MAF: variants seen among roughly 807,000 people sequenced by gnomAD.
MAF encodes MAF bZIP transcription factor.
A neutral mutation model predicts 22.0 loss-of-function variants in MAF; 10 were observed. The ratio of observed to expected loss-of-function variants is 0.45; its 90% CI spans 0.28 to 0.77. The LOEUF is 0.77. MAF is among the 30% of genes least tolerant of loss of function. The pLI is 0.12. For synonymous variants in MAF, 337 were observed against 255.8 expected, an observed-to-expected ratio of 1.32 and a Z score of -3.03; for missense variants, 544 against 548.4, an observed-to-expected ratio of 0.99 and a Z score of 0.08.
the MAF span, among the ~76,000 whole-genome samples, chr16:79,248,793 A>T: frequency 1.0e-5 from 1 of 99,100 alleles, no homozygotes; most frequent in African/African-American, 3.2e-5. Context: ...TGTGTCCAAA[A>T]TTTACAAAAA....
chr16:79,341,584 T>C, the MAF span, among the ~76,000 whole-genome samples: 2 of 152,242 alleles, frequency 1.3e-5, no homozygotes, highest in Non-Finnish European at 2.9e-5. Context: ...AGTGACTATA[T>C]AGTTCAGCAT....
chr16:79,583,349 G>A (rs183253470), downstream of MAF, among the ~76,000 whole-genome samples: 2 of 152,276 alleles, frequency 1.3e-5, no homozygotes, highest in East Asian at 3.9e-4. Context: ...CACTCCATCT[G>A]CCGATTGTAA....
the MAF span, among the ~76,000 whole-genome samples, chr16:79,360,574 A>G: frequency 2.0e-5 from 3 of 152,166 alleles, no homozygotes; most frequent in African/African-American, 7.2e-5. Context: ...CTTAGGGTAA[A>G]TAATCTCATT....
chr16:79,354,055 G>T, the MAF span, among the ~76,000 whole-genome samples: 1 of 152,038 alleles, frequency 6.6e-6, no homozygotes, highest in Non-Finnish European at 1.5e-5. Context: ...GAGTGCAGTG[G>T]TGCCATCACG....
At chr16:79,576,052 C>G in the MAF span, among the ~76,000 whole-genome samples, 1 of 151,802 alleles carries the variant, frequency 6.6e-6, no homozygotes, top group Non-Finnish European at 1.5e-5. Context: ...GACCTTTACC[C>G]CACTGTAAAA....
chr16:79,568,913 T>G, the MAF span, among the ~76,000 whole-genome samples: 4 of 152,186 alleles, frequency 2.6e-5, no homozygotes, highest in African/African-American at 9.6e-5. Context: ...GAACACTGAG[T>G]CTGTTACTGT....
At chr16:79,232,054 T>G in the MAF span, among the ~76,000 whole-genome samples, 76 of 151,888 alleles carry the variant, frequency 5.0e-4, no homozygotes, top group Non-Finnish European at 9.3e-4. Flanking sequence ...GGACAGGAGG[T>G]GGAGCTCAAG....
the MAF span, among the ~76,000 whole-genome samples, chr16:79,533,526 G>A: frequency 6.6e-6 from 1 of 152,146 alleles, no homozygotes; most frequent in Non-Finnish European, 1.5e-5. Flanking sequence ...GAGTGAGAGG[G>A]AGGAAGACAG....
At chr16:79,328,423 T>G in the MAF span, among the ~76,000 whole-genome samples, 6 of 152,134 alleles carry the variant, frequency 3.9e-5, no homozygotes, top group Non-Finnish European at 7.4e-5. Flanking sequence ...AAAGGAGAAT[T>G]TGAAATCCCC....
chr16:79,456,605 G>C, the MAF span, among the ~76,000 whole-genome samples: 1 of 152,260 alleles, frequency 6.6e-6, no homozygotes, highest in East Asian at 1.9e-4. Flanking sequence ...TACTAAGCTG[G>C]CTCAATTAGA....
chr16:79,541,507 C>T, the MAF span, among the ~76,000 whole-genome samples: 2 of 151,970 alleles, frequency 1.3e-5, no homozygotes, highest in Non-Finnish European at 1.5e-5. Context: ...AATGCTGCTA[C>T]ACAGGAGCTG....
chr16:79,240,662 A>AGCAGAACT, the MAF span, among the ~76,000 whole-genome samples: 2 of 151,920 alleles, frequency 1.3e-5, no homozygotes, highest in Non-Finnish European at 2.9e-5. Context: ...TAAAGAGAGC[A>AGCAGAACT]GCAGAACTCC....
the MAF span, among the ~76,000 whole-genome samples, chr16:79,274,396 G>A: frequency 2.0e-5 from 3 of 152,066 alleles, no homozygotes; most frequent in African/African-American, 4.8e-5. Context: ...TTCAGGTTGC[G>A]CAATTCCAGG....
chr16:79,335,062 G>C, the MAF span, among the ~76,000 whole-genome samples: 2 of 151,800 alleles, frequency 1.3e-5, no homozygotes, highest in African/African-American at 4.8e-5. Flanking sequence ...GCGTGTGCCT[G>C]TAGTCCCAGC....
the MAF span, among the ~76,000 whole-genome samples, chr16:79,246,653 G>T: frequency 6.6e-6 from 1 of 152,046 alleles, no homozygotes; most frequent in African/African-American, 2.4e-5. Context: ...TTTCCAACAT[G>T]AAATGTGTTA....
At chr16:79,417,268 A>G in the MAF span, among the ~76,000 whole-genome samples, 5 of 152,148 alleles carry the variant, frequency 3.3e-5, no homozygotes, top group South Asian at 2.1e-4. Flanking sequence ...CCTGTGGTGA[A>G]CTACACCGAC....
At chr16:79,354,168 T>A in the MAF span, among the ~76,000 whole-genome samples, 3 of 150,602 alleles carry the variant, frequency 2.0e-5, no homozygotes, top group African/African-American at 4.9e-5. Flanking sequence ...TTTTTTTGGG[T>A]TTTCAGTAGA....
chr16:79,221,464 G>GA, the MAF span, among the ~76,000 whole-genome samples: 3 of 151,990 alleles, frequency 2.0e-5, no homozygotes, highest in Non-Finnish European at 4.4e-5. Context: ...CAGAAGACAT[G>GA]AAAAAAATGA....
chr16:79,253,260 T>C, the MAF span, among the ~76,000 whole-genome samples: 1 of 152,174 alleles, frequency 6.6e-6, no homozygotes, highest in East Asian at 1.9e-4. Context: ...CTCACAAAAG[T>C]ATGCCTGTTC....
Sources: gnomAD v4.1 joint callset for allele counts (sites outside exome capture counted in the v4.1 genomes callset) on GRCh38, gnomAD v4.1.1 for gene constraint, MANE v1.5 for transcripts, NCBI Gene and HGNC (gene_info 2026-07-23, HGNC 2026-07-21) for gene names.